The following PATJ variants were observed in gnomAD, a reference collection of about 807,000 sequenced individuals.
PATJ encodes the protein PATJ crumbs cell polarity complex component.
In PATJ, 190 loss-of-function variants were observed where a neutral mutation model predicts 224.9. The observed-to-expected ratio is 0.84, with a 90% CI of 0.75 to 0.95. The LOEUF is 0.95. PATJ is among the 40% of genes least tolerant of loss of function. The pLI is 0.00. For synonymous variants in PATJ, 769 were observed against 820.3 expected (o/e 0.94, Z 1.07); for missense variants, 2,121 against 2,270.3 (o/e 0.93, Z 1.34).
At chr1:62,015,706 TTTTTTG>T (rs573904576) in intron 28 of PATJ, among the ~76,000 whole-genome samples, 295 of 151,978 alleles carry the variant, frequency 1.9e-3, no homozygotes, top group Non-Finnish European at 3.0e-3. Context: ...CTAATTTTTG[TTTTTTG>T]TTTTTGTTTT....
At chr1:62,128,453 C>G (rs1665945736) in intron 40 of PATJ, 1 of 272,408 alleles carries the variant, frequency 3.7e-6, no homozygotes, top group Admixed American at 4.8e-5. Context: ...ATTTCTCCCC[C>G]TTGTTGCCCC....
chr1:61,976,069 G>A (rs957128465), intron 27 of PATJ, among the ~76,000 whole-genome samples: 2 of 151,966 alleles, frequency 1.3e-5, no homozygotes, highest in African/African-American at 2.4e-5. Context: ...CATCCTGTGT[G>A]TGCTGCAGCC....
intron 22 of PATJ, among the ~76,000 whole-genome samples, chr1:61,897,943 C>T (rs1020265425): frequency 8.5e-5 from 13 of 152,194 alleles, no homozygotes; most frequent in African/African-American, 2.4e-4. Context: ...ATGTAATGAT[C>T]CTAATTTCTT....
intron 14 of PATJ, among the ~76,000 whole-genome samples, chr1:61,809,361 C>T (rs1347026314): frequency 1.3e-5 from 2 of 151,706 alleles, no homozygotes; most frequent in East Asian, 3.9e-4. Context: ...ACTCTTCTGT[C>T]ACATGCAGTT....
intron 30 of PATJ, among the ~76,000 whole-genome samples, chr1:62,041,268 T>A (rs1651427548): frequency 6.6e-6 from 1 of 152,188 alleles, no homozygotes; most frequent in East Asian, 1.9e-4. Context: ...TATATATGTA[T>A]GTCCTGCTTT....
At chr1:61,872,726 A>G (rs1381346589) in intron 20 of PATJ, among the ~76,000 whole-genome samples, 1 of 152,226 alleles carries the variant, frequency 6.6e-6, no homozygotes, top group Non-Finnish European at 1.5e-5. Context: ...TTTAAGGTCT[A>G]TAAATACCCC....
At chr1:61,885,948 G>A (rs961386178) in intron 22 of PATJ, among the ~76,000 whole-genome samples, 2 of 150,664 alleles carry the variant, frequency 1.3e-5, no homozygotes, top group African/African-American at 2.4e-5. Flanking sequence ...AACACTGCAT[G>A]TTCTCACTCA....
Position 62,079,509 on chromosome 1 carries a change from G to T in PATJ, c.4185G>T (p.Glu1395Asp). 6.2e-7 allele frequency: 1 copy of T among 1,614,010 alleles called. No homozygotes were observed. Among genetic ancestry groups the T allele is most frequent in the Non-Finnish European group, 8.5e-7 (1 of 1,179,874 alleles). The change falls in exon 32 of 44, where the codon GAG (glutamate) becomes GAT (aspartate). Residue 1395 changes from glutamate to aspartate, a missense_variant. Glu to Asp is a conservative substitution (Grantham distance 45, BLOSUM62 2). Transcript: ENST00000642238. ...YPTKVSFSSQEIPLAPASSYH... is the reference protein window; with the variant it reads ...YPTKVSFSSQDIPLAPASSYH... Reference sequence around the variant, plus strand: ...CAAAAGTCTCCTTCAGTTCACAAGAGATACCATTAGCACCAGCTTCATCAT... The same window carrying T: ...CAAAAGTCTCCTTCAGTTCACAAGATATACCATTAGCACCAGCTTCATCAT...
chr1:61,913,608 C>T (rs746936113), intron 25 of PATJ, among the ~76,000 whole-genome samples: 203 of 152,154 alleles, frequency 1.3e-3, no homozygotes, highest in Non-Finnish European at 1.1e-3. Context: ...TAAACTGGTT[C>T]GTTCATTTAT....
chr1:62,161,092 G>C lies in PATJ; in HGVS notation c.*38G>C, dbSNP rs1464202352. On this transcript the variant is annotated 3_prime_UTR_variant, in exon 44 of 44. Coordinates refer to ENST00000642238, the MANE Select transcript of PATJ (RefSeq NM_001350145.3). ...ATCACAAGATAGATGTTGTTGTTTA[G>C]AATATCCACAGGCAGATGAAGTTCT... is the stretch of plus-strand genomic sequence containing the variant. 31 of 1,380,624 alleles carry C rather than the reference G, an allele frequency of 2.2e-5. No homozygotes were observed. The highest frequency in any genetic ancestry group is 2.9e-5 in the Non-Finnish European group (31 of 1,065,438). 85.5% of individuals were successfully genotyped at this position (1,380,624 alleles called of 1,614,324 possible).
intron 29 of PATJ, among the ~76,000 whole-genome samples, chr1:62,026,766 A>C (rs74079632): frequency 0.051 from 7,700 of 152,260 alleles, 627 homozygotes; most frequent in African/African-American, 0.18. Flanking sequence ...TATTTTCATC[A>C]CACTTTCACT....
At chr1:61,977,897 A>C (rs1348075087) in intron 27 of PATJ, among the ~76,000 whole-genome samples, 13 of 151,572 alleles carry the variant, frequency 8.6e-5, no homozygotes, top group African/African-American at 4.9e-5. Flanking sequence ...AAAAAAAAAA[A>C]AACTTAAAAA....
intron 21 of PATJ, among the ~76,000 whole-genome samples, chr1:61,880,001 G>A (rs1316719374): frequency 6.6e-6 from 1 of 151,884 alleles, no homozygotes; most frequent in Non-Finnish European, 1.5e-5. Context: ...ACCACACCTG[G>A]CTAATTTTGT....
At chr1:61,808,375 G>C (rs1654004890) in intron 13 of PATJ, 99 bp from the exon 14 acceptor site, 2 of 713,522 alleles carry the variant, frequency 2.8e-6, no homozygotes, top group South Asian at 1.6e-5. Flanking sequence ...AGGTCAAATA[G>C]AGTTATCAAT....
intron 41 of PATJ, among the ~76,000 whole-genome samples, chr1:62,141,944 T>C (rs7513982): frequency 0.035 from 5,271 of 152,260 alleles, 160 homozygotes; most frequent in South Asian, 0.13. Context: ...CACTGCAGCC[T>C]GGGCAACAGA....
At chr1:61,990,815 T>C (rs1019771931) in intron 28 of PATJ, among the ~76,000 whole-genome samples, 1 of 152,168 alleles carries the variant, frequency 6.6e-6, no homozygotes, top group African/African-American at 2.4e-5. Flanking sequence ...TAATAGTTAA[T>C]GTCTGTGAAG....
intron 29 of PATJ, among the ~76,000 whole-genome samples, chr1:62,028,786 AAAAAAG>A (rs1648561531): frequency 1.3e-5 from 2 of 152,014 alleles, no homozygotes; most frequent in South Asian, 2.1e-4. Context: ...TGTGTTTAAA[AAAAAAG>A]AAAAAGAAAA....
chr1:61,781,280 A>G (rs1647276828), intron 7 of PATJ, among the ~76,000 whole-genome samples: 1 of 152,206 alleles, frequency 6.6e-6, no homozygotes, highest in East Asian at 1.9e-4. Flanking sequence ...GAGAGCTATT[A>G]TCTCTTCTAG....
At chr1:62,017,833 AC>A (rs751239189) in intron 28 of PATJ, 22 bp from the exon 29 acceptor site, 94 of 1,255,208 alleles carry the variant, frequency 7.5e-5, no homozygotes, top group Middle Eastern at 1.9e-4. Context: ...ATAATTTAGT[AC>A]ATTGTGGTTT....
Sources: allele counts gnomAD v4.1 joint callset (sites outside exome capture counted in the v4.1 genomes callset), GRCh38; gene constraint gnomAD v4.1.1; transcripts MANE v1.5; gene names NCBI Gene and HGNC (gene_info 2026-07-23, HGNC 2026-07-21).